EPG5: variants seen among roughly 807,000 people sequenced by gnomAD.
EPG5 encodes ectopic P-granules 5 autophagy tethering factor, also known as ectopic P granules protein 5 homolog.
In EPG5, 159 loss-of-function variants were observed where a neutral mutation model predicts 302.7. That is an observed-to-expected ratio of 0.53 (90% CI 0.46 to 0.60). The LOEUF (loss-of-function observed/expected upper bound fraction) is 0.60, where lower values mean the gene tolerates loss of function less well. EPG5 is among the 20% of genes least tolerant of loss of function. EPG5 has a pLI of 0.00. For synonymous variants in EPG5, 1,158 were observed against 1,136.8 expected, an observed-to-expected ratio of 1.02 and a Z score of -0.37; for missense variants, 2,896 against 3,092.4, an observed-to-expected ratio of 0.94 and a Z score of 1.51.
At chr18:45,828,445 A>T in the EPG5 span, among the ~76,000 whole-genome samples, 1 of 151,988 alleles carries the variant, frequency 6.6e-6, no homozygotes, top group African/African-American at 2.4e-5. Flanking sequence ...ATGCCAGGGA[A>T]CGTGGGGCAG....
chr18:45,856,338 T>C (rs1156578073), intron 42 of EPG5, among the ~76,000 whole-genome samples: 1 of 152,136 alleles, frequency 6.6e-6, no homozygotes, highest in Non-Finnish European at 1.5e-5. Context: ...ATGTCCAAAA[T>C]AGGATTCAAT....
chr18:45,930,287 G>A (rs903793230), intron 12 of EPG5, among the ~76,000 whole-genome samples: 64 of 152,234 alleles, frequency 4.2e-4, no homozygotes, highest in African/African-American at 1.5e-3. Context: ...CCTAACTCCA[G>A]GTTCAATATT....
chr18:45,925,886 A>G lies in EPG5; in HGVS notation c.2570T>C (p.Phe857Ser). 6.7e-7 allele frequency: 1 copy of G among 1,495,772 alleles called. No individual in the cohort carries two copies. The highest frequency in any genetic ancestry group is 1.5e-5 in the South Asian group (1 of 68,962). The allele number at this position is 1,495,772 out of a possible 1,614,324, so 92.7% of individuals were successfully genotyped here. The part of the protein sequence containing the change: ...DQVGMVSLYL[F>S]KELPLYLWQP... Reference sequence around the variant, plus strand: ...CCAAAGATACAAAGGCAGTTCTTTAAACAAGTATAGAGAAACCTTATTAAA... The same window carrying G: ...CCAAAGATACAAAGGCAGTTCTTTAGACAAGTATAGAGAAACCTTATTAAA... Residue 857 changes from phenylalanine (F) to serine (S), a missense_variant, in exon 14 of 44, where the codon TTT becomes TCT. Phe to Ser is a radical substitution (Grantham distance 155, BLOSUM62 -2). Around this residue, in one of 5 missense-constraint regions of EPG5, gnomAD observed 1,390 missense variants for 1,430.0 expected, o/e 0.97. Coordinates refer to ENST00000282041, the MANE Select transcript of EPG5 (RefSeq NM_020964.3).
intron 25 of EPG5, 110 bp from the exon 26 acceptor site, chr18:45,901,277 T>C: frequency 6.7e-6 from 6 of 897,860 alleles, no homozygotes; most frequent in Non-Finnish European, 8.4e-6. Context: ...TTTATAGTCT[T>C]ACGATAGTTG....
At position 45,867,136 on chromosome 18, in the gene EPG5, T is replaced by G. The variant is rs1243603175; in HGVS notation, c.6412-129A>C. Reference sequence around the variant, plus strand: ...AGCACAGAACAGTTATGATATCAAGTAAGTATCTACTCGAGTTAGGAGTAC... The same window carrying G: ...AGCACAGAACAGTTATGATATCAAGGAAGTATCTACTCGAGTTAGGAGTAC... On this transcript the variant is annotated intron_variant, in intron 37 of 43. Transcript: ENST00000282041. 4.3e-5 allele frequency: 29 copies of G among 675,072 alleles called. No homozygotes were observed. In the East Asian group the frequency reaches 7.3e-4, roughly 17 times the overall value. 41.8% of individuals were successfully genotyped at this position (675,072 alleles called of 1,614,324 possible). A position where few individuals can be genotyped will look rare whatever the true frequency, so the allele number is the denominator to read the frequency against.
At chr18:45,917,624 T>C (rs1188649758) in intron 17 of EPG5, 55 bp downstream of exon 17, 2 of 1,593,412 alleles carry the variant, frequency 1.3e-6, no homozygotes, top group Non-Finnish European at 1.7e-6. Context: ...ACACAATCAT[T>C]TGTACTTGCT....
intron 2 of EPG5, chr18:45,953,571 A>G: frequency 1.0e-6 from 1 of 985,230 alleles, no homozygotes; most frequent in South Asian, 4.7e-5. Context: ...CTTCCTTGCC[A>G]TCTCTCCTAA....
chr18:45,966,101 G>A (rs1489842690), intron 1 of EPG5, among the ~76,000 whole-genome samples: 3 of 151,378 alleles, frequency 2.0e-5, no homozygotes, highest in East Asian at 2.0e-4. Flanking sequence ...GGCTGGGCGC[G>A]GTGGCTCACG....
chr18:45,816,023 A>G, the EPG5 span, among the ~76,000 whole-genome samples: 1 of 152,224 alleles, frequency 6.6e-6, no homozygotes, highest in Non-Finnish European at 1.5e-5. Flanking sequence ...AAAGCAAACA[A>G]AAACATAAAG....
chr18:45,863,103 T>C (rs2048670284), intron 39 of EPG5, among the ~76,000 whole-genome samples: 1 of 152,234 alleles, frequency 6.6e-6, no homozygotes, highest in Non-Finnish European at 1.5e-5. Flanking sequence ...ATTTATCTGA[T>C]ATTAATATAG....
intron 27 of EPG5, among the ~76,000 whole-genome samples, chr18:45,893,119 C>T (rs1280481258): frequency 6.6e-6 from 1 of 152,112 alleles, no homozygotes; most frequent in Non-Finnish European, 1.5e-5. Context: ...AGCAAAACGA[C>T]CTGGCAATAT....
downstream of EPG5, among the ~76,000 whole-genome samples, chr18:45,846,717 A>T (rs1213499965): frequency 6.6e-6 from 1 of 152,186 alleles, no homozygotes; most frequent in Non-Finnish European, 1.5e-5. Flanking sequence ...GGGTGAGTCC[A>T]CAGTGCAAAG....
chr18:45,813,150 A>AGC, the EPG5 span, among the ~76,000 whole-genome samples: 2 of 152,236 alleles, frequency 1.3e-5, no homozygotes, highest in Non-Finnish European at 2.9e-5. Flanking sequence ...ATGCAGCCTA[A>AGC]AGACACATGA....
Position 45,880,094 on chromosome 18 carries a change from G to T in EPG5, c.5648C>A (p.Ala1883Asp). The T allele has an allele frequency of 6.2e-7, 1 of 1,600,260 alleles. No individual in the cohort carries two copies. The highest frequency in any genetic ancestry group is 1.1e-5 in the South Asian group (1 of 90,296). Reference protein sequence around the residue: ...EGAVLPSSSDALLSDKQVMET... With the variant: ...EGAVLPSSSDDLLSDKQVMET... ...ACACACCTGCTTGTCTGACAAGAGA[G>T]CATCAGAAGAGCTGGGAAGCACGGC... The change falls in exon 32 of 44, where the codon GCT becomes GAT. Residue 1883 changes from alanine (A) to aspartate (D), a missense_variant. Ala to Asp is a moderately radical substitution (Grantham distance 126). Around this residue, in one of 5 missense-constraint regions of EPG5, gnomAD observed 790 missense variants for 798.0 expected, o/e 0.99. Coordinates refer to ENST00000282041, the MANE Select transcript of EPG5 (RefSeq NM_020964.3).
chr18:45,816,462 G>A, the EPG5 span, among the ~76,000 whole-genome samples: 1 of 151,934 alleles, frequency 6.6e-6, no homozygotes, highest in Admixed American at 6.6e-5. Context: ...ATCAAAAAGT[G>A]GGCTAGGGAC....
At position 45,900,977 on chromosome 18, in the gene EPG5, T is replaced by C. The variant is rs1446031119; in HGVS notation, c.4646+19A>G. 1.3e-6 allele frequency: 2 copies of C among 1,595,606 alleles called. No individual in the cohort carries two copies. The highest frequency in any genetic ancestry group is 1.7e-6 in the Non-Finnish European group (2 of 1,166,856). On this transcript the variant is annotated intron_variant, in intron 26 of 43. Coordinates refer to ENST00000282041, the MANE Select transcript of EPG5 (RefSeq NM_020964.3). ...GCCACCAACATGGGAACATGATCCG[T>C]GAGGCTGCATGGTCTTACCTGGCCT...
At chr18:45,965,324 G>GATAGAAGT in intron 1 of EPG5, among the ~76,000 whole-genome samples, 1 of 152,214 alleles carries the variant, frequency 6.6e-6, no homozygotes, top group East Asian at 1.9e-4. Context: ...AGAAGGGAAG[G>GATAGAAGT]ATAAAAAAAC....
intron 27 of EPG5, among the ~76,000 whole-genome samples, chr18:45,894,179 G>C (rs1218281810): frequency 4.6e-5 from 7 of 152,088 alleles, no homozygotes; most frequent in African/African-American, 1.2e-4. Context: ...ATTAAAACAG[G>C]CCAGGCATGG....
intron 27 of EPG5, among the ~76,000 whole-genome samples, chr18:45,895,896 T>C (rs944514984): frequency 2.6e-5 from 4 of 152,232 alleles, no homozygotes; most frequent in Admixed American, 2.0e-4. Flanking sequence ...TTTCCAAAAC[T>C]AAAGTCATCC....
Sources: gnomAD v4.1 joint callset for allele counts (sites outside exome capture counted in the v4.1 genomes callset) on GRCh38, gnomAD v4.1.1 for gene constraint, gnomAD v4.1.1 regional missense constraint, MANE v1.5 for transcripts, NCBI Gene and HGNC (gene_info 2026-07-23, HGNC 2026-07-21) for gene names.